The following SERINC5 variants were observed in gnomAD, a reference collection of about 807,000 sequenced individuals.
SERINC5 encodes chromosome 5 open reading frame 12.
Under a neutral mutation model 63.1 loss-of-function variants are expected in SERINC5, and 41 were observed. That is an observed-to-expected ratio of 0.65 (90% CI 0.51 to 0.84). The LOEUF is 0.84. SERINC5 is among the 40% of genes least tolerant of loss of function. The pLI, the probability that SERINC5 is intolerant of heterozygous loss-of-function variation, is 0.00. For missense variants in SERINC5, 523 were observed against 573.0 expected (o/e 0.91, Z 0.89); for synonymous variants, 222 against 215.2 (o/e 1.03, Z -0.28).
intron 1 of SERINC5, among the ~76,000 whole-genome samples, chr5:80,215,661 C>A (rs1048787812): frequency 6.6e-6 from 1 of 152,134 alleles, no homozygotes; most frequent in African/African-American, 2.4e-5. Flanking sequence ...ATTGTGGGGA[C>A]TGTGAGAGAT....
chr5:80,222,619 C>T (rs1392138253), intron 1 of SERINC5, among the ~76,000 whole-genome samples: 1 of 150,454 alleles, frequency 6.6e-6, no homozygotes, highest in Admixed American at 6.6e-5. Flanking sequence ...GTTGTCCAGG[C>T]TGGAGTGCAA....
chr5:80,254,357 G>C (rs1486778013), intron 1 of SERINC5, among the ~76,000 whole-genome samples: 1 of 152,196 alleles, frequency 6.6e-6, no homozygotes, highest in African/African-American at 2.4e-5. Context: ...CTTTGATTTG[G>C]TTCTTTCCAA....
At chr5:80,202,821 A>G (rs1039631972) in intron 2 of SERINC5, 65 bp downstream of exon 2, 1 of 1,503,292 alleles carries the variant, frequency 6.7e-7, no homozygotes, top group Non-Finnish European at 9.1e-7. Flanking sequence ...CTTCTAAATC[A>G]TGTTTTTCCC....
chr5:80,125,199 AAAAC>A (rs1744701872), intron 11 of SERINC5, among the ~76,000 whole-genome samples: 1 of 152,240 alleles, frequency 6.6e-6, no homozygotes, highest in African/African-American at 2.4e-5. Flanking sequence ...ATACAATGAT[AAAAC>A]AAACACAAAA....
chr5:80,180,193 A>T (rs891574815), intron 2 of SERINC5, among the ~76,000 whole-genome samples: 2 of 152,256 alleles, frequency 1.3e-5, no homozygotes, highest in Non-Finnish European at 2.9e-5. Flanking sequence ...AAAATCTTAC[A>T]CAATGAGAAC....
intron 2 of SERINC5, among the ~76,000 whole-genome samples, chr5:80,202,352 T>C (rs1197826936): frequency 6.6e-6 from 1 of 151,994 alleles, no homozygotes; most frequent in Non-Finnish European, 1.5e-5. Context: ...AATGCTAAGA[T>C]AAAATACACA....
downstream of SERINC5, among the ~76,000 whole-genome samples, chr5:80,137,834 G>A (rs892975862): frequency 2.6e-5 from 4 of 151,948 alleles, no homozygotes; most frequent in South Asian, 2.1e-4. Flanking sequence ...CCAGCTGCTC[G>A]GGAGGCTGAG....
chr5:80,122,490 C>A (rs1396759851), intron 11 of SERINC5, among the ~76,000 whole-genome samples: 1 of 152,152 alleles, frequency 6.6e-6, no homozygotes, highest in Non-Finnish European at 1.5e-5. Flanking sequence ...GCAATACCCT[C>A]ACAGACACAC....
At chr5:80,199,716 C>A (rs545999403) in intron 2 of SERINC5, among the ~76,000 whole-genome samples, 46 of 152,140 alleles carry the variant, frequency 3.0e-4, no homozygotes, top group Non-Finnish European at 6.3e-4. Flanking sequence ...GGGATACTAT[C>A]TATTTGTTTA....
chr5:80,146,125 G>A lies in SERINC5; in HGVS notation c.1203C>T (p.Ser401=). 6.2e-7 allele frequency: 1 copy of A among 1,613,984 alleles called. No homozygotes were observed. ...SYFHFVFFLA[S]LYVMMTVTNW... is the part of the protein sequence containing the mutation. ...TGGTGACGGTCATCATCACATACAG[G>A]GAAGCTAGGAAGAACACGAAGTGGA... Residue 401 remains serine, a synonymous_variant, in exon 11 of 12, where the codon TCC becomes TCT. Coordinates refer to ENST00000507668, the MANE Select transcript of SERINC5 (RefSeq NM_001174072.3).
intron 11 of SERINC5, among the ~76,000 whole-genome samples, chr5:80,116,999 T>G (rs1421704514): frequency 6.6e-6 from 1 of 151,894 alleles, no homozygotes; most frequent in Non-Finnish European, 1.5e-5. Context: ...CATCTAATTT[T>G]TTGTGTTTTT....
chr5:80,202,312 T>C (rs1411211410), intron 2 of SERINC5, among the ~76,000 whole-genome samples: 3 of 152,038 alleles, frequency 2.0e-5, no homozygotes, highest in Non-Finnish European at 4.4e-5. Context: ...CAAGAAAAGA[T>C]AGTATATTTC....
intron 1 of SERINC5, among the ~76,000 whole-genome samples, chr5:80,253,100 G>A (rs1168406535): frequency 6.6e-6 from 1 of 152,116 alleles, no homozygotes; most frequent in Non-Finnish European, 1.5e-5. Context: ...CATCTACCCA[G>A]TGGCTCAGGC....
intron 2 of SERINC5, 104 bp from the exon 3 acceptor site, chr5:80,178,168 C>T (rs1354965219): frequency 2.4e-5 from 15 of 628,010 alleles, no homozygotes; most frequent in Non-Finnish European, 4.1e-5. Context: ...GGAAATGGAT[C>T]GTGTGCATAA....
chr5:80,148,216 G>C (rs1322839964), intron 9 of SERINC5, among the ~76,000 whole-genome samples: 4 of 92,540 alleles, frequency 4.3e-5, no homozygotes, highest in African/African-American at 8.4e-5. Context: ...TTGAGATGGA[G>C]ATTTGCTCTT....
intron 7 of SERINC5, among the ~76,000 whole-genome samples, chr5:80,166,059 A>C (rs1439479900): frequency 2.0e-5 from 3 of 152,164 alleles, no homozygotes; most frequent in Non-Finnish European, 4.4e-5. Context: ...ACGTCATCTA[A>C]AATGGGGTAC....
chr5:80,155,478 CAGG>C (rs1746459147), intron 8 of SERINC5, among the ~76,000 whole-genome samples: 1 of 151,174 alleles, frequency 6.6e-6, no homozygotes, highest in Non-Finnish European at 1.5e-5. Context: ...GAGGCTGAGG[CAGG>C]AGAATCGCTT....
At chr5:80,200,793 T>G (rs1257006368) in intron 2 of SERINC5, among the ~76,000 whole-genome samples, 2 of 151,634 alleles carry the variant, frequency 1.3e-5, no homozygotes, top group Non-Finnish European at 2.9e-5. Flanking sequence ...TGAGTGTATT[T>G]AAAATAGCCC....
intron 2 of SERINC5, among the ~76,000 whole-genome samples, chr5:80,179,514 A>G (rs1748282119): frequency 6.6e-6 from 1 of 152,168 alleles, no homozygotes; most frequent in Non-Finnish European, 1.5e-5. Context: ...CACTAATTCA[A>G]TAAATACTGC....
Sources: gnomAD v4.1 joint callset for allele counts (sites outside exome capture counted in the v4.1 genomes callset) on GRCh38, gnomAD v4.1.1 for gene constraint, MANE v1.5 for transcripts, NCBI Gene and HGNC (gene_info 2026-07-23, HGNC 2026-07-21) for gene names.